Variants in PTPRK observed in about 807,000 individuals in gnomAD.
PTPRK encodes the protein receptor-type tyrosine-protein phosphatase kappa.
PTPRK carries 75 observed loss-of-function variants against 178.0 expected under a neutral mutation model. The ratio of observed to expected loss-of-function variants is 0.42; its 90% CI spans 0.35 to 0.51. The LOEUF (loss-of-function observed/expected upper bound fraction) is 0.51. Ranked by LOEUF, PTPRK falls within the 20% of genes least tolerant of loss-of-function variation. The probability of loss-of-function intolerance (pLI) is 0.02; values close to 1 mark genes in which losing one functional copy is unlikely to be tolerated. For synonymous variants in PTPRK, 637 were observed against 620.6 expected (o/e 1.03, Z -0.39); for missense variants, 1,441 against 1,797.8 (o/e 0.80, Z 3.59).
At chr6:128,036,643 T>C (rs1369033030) in intron 13 of PTPRK, among the ~76,000 whole-genome samples, 1 of 151,768 alleles carries the variant, frequency 6.6e-6, no homozygotes, top group African/African-American at 2.4e-5. Context: ...AAAGAGTTGG[T>C]AAAAAAATAG....
intron 1 of PTPRK, among the ~76,000 whole-genome samples, chr6:128,407,724 T>C (rs902342869): frequency 4.6e-5 from 7 of 151,910 alleles, no homozygotes; most frequent in Admixed American, 2.0e-4. Context: ...TATTCAACAT[T>C]CTTTCAATTT....
intron 7 of PTPRK, among the ~76,000 whole-genome samples, chr6:128,164,239 G>GT (rs1411232710): frequency 6.6e-6 from 1 of 151,458 alleles, no homozygotes; most frequent in East Asian, 1.9e-4. Flanking sequence ...TGAGATAAAG[G>GT]TAACACTGAG....
intron 3 of PTPRK, among the ~76,000 whole-genome samples, chr6:128,305,497 T>C (rs1470429116): frequency 2.0e-5 from 3 of 152,172 alleles, no homozygotes; most frequent in Non-Finnish European, 4.4e-5. Context: ...TATGGTAGCA[T>C]TACTTTTCTC....
intron 3 of PTPRK, among the ~76,000 whole-genome samples, chr6:128,270,895 T>G (rs1390518631): frequency 6.6e-6 from 1 of 152,124 alleles, no homozygotes; most frequent in African/African-American, 2.4e-5. Context: ...TGCTTTGTTT[T>G]TAGCTGCACA....
At chr6:128,128,794 A>T (rs17055343) in intron 7 of PTPRK, among the ~76,000 whole-genome samples, 3,879 of 152,346 alleles carry the variant, frequency 0.025, 76 homozygotes, top group Middle Eastern at 0.095. Flanking sequence ...AGAGGCAGTC[A>T]TTCTTTTCTA....
At chr6:128,164,725 G>T (rs1799152383) in intron 7 of PTPRK, among the ~76,000 whole-genome samples, 1 of 150,978 alleles carries the variant, frequency 6.6e-6, no homozygotes, top group African/African-American at 2.4e-5. Flanking sequence ...AGGCTGGGGG[G>T]GGAGATTAAA....
At chr6:128,262,103 CA>C (rs1405296988) in intron 3 of PTPRK, among the ~76,000 whole-genome samples, 5 of 152,244 alleles carry the variant, frequency 3.3e-5, no homozygotes, top group African/African-American at 1.2e-4. Context: ...CTTGGTATTA[CA>C]GTCAAATATT....
chr6:128,330,896 AAAAC>A (rs1830185989), intron 2 of PTPRK, among the ~76,000 whole-genome samples: 2 of 151,788 alleles, frequency 1.3e-5, no homozygotes, highest in African/African-American at 4.8e-5. Flanking sequence ...AAAACAAAAC[AAAAC>A]AAAAAAACAC....
At chr6:128,389,049 G>A (rs1246790962) in intron 2 of PTPRK, among the ~76,000 whole-genome samples, 2 of 152,086 alleles carry the variant, frequency 1.3e-5, no homozygotes, top group Non-Finnish European at 2.9e-5. Flanking sequence ...GCAAGCCAGC[G>A]TCTTTTTAAT....
chr6:128,034,133 A>C (rs1007377823), intron 13 of PTPRK, among the ~76,000 whole-genome samples: 1 of 152,150 alleles, frequency 6.6e-6, no homozygotes, highest in Non-Finnish European at 1.5e-5. Context: ...TCAAACTTAC[A>C]TTATTATCAT....
At chr6:128,509,403 T>C (rs1306906146) in intron 1 of PTPRK, among the ~76,000 whole-genome samples, 4 of 152,226 alleles carry the variant, frequency 2.6e-5, no homozygotes, top group East Asian at 1.9e-4. Flanking sequence ...TCTTCTTTAT[T>C]ATACCACTTT....
At chr6:127,972,551 A>G (rs1774049152) in intron 29 of PTPRK, among the ~76,000 whole-genome samples, 1 of 152,222 alleles carries the variant, frequency 6.6e-6, no homozygotes, top group Admixed American at 6.5e-5. Flanking sequence ...AAAAGCTGAA[A>G]ACTTAACCAT....
chr6:128,136,055 C>T (rs1794972603), intron 7 of PTPRK, among the ~76,000 whole-genome samples: 1 of 152,054 alleles, frequency 6.6e-6, no homozygotes, highest in South Asian at 2.1e-4. Flanking sequence ...GGGTCCTATT[C>T]CAGTATCTCT....
At chr6:128,315,185 T>C (rs1827832366) in intron 3 of PTPRK, among the ~76,000 whole-genome samples, 1 of 152,182 alleles carries the variant, frequency 6.6e-6, no homozygotes, top group Non-Finnish European at 1.5e-5. Flanking sequence ...TATCTGTTTC[T>C]AATTATTATA....
At chr6:128,247,720 G>A (rs1815743439) in intron 3 of PTPRK, among the ~76,000 whole-genome samples, 1 of 152,168 alleles carries the variant, frequency 6.6e-6, no homozygotes, top group Non-Finnish European at 1.5e-5. Context: ...ATGAGATAAT[G>A]CACATAAAAC....
chr6:128,184,529 T>C lies in PTPRK; in HGVS notation c.1065A>G (p.Pro355=). Residue 355 remains proline (P), a synonymous_variant, in exon 7 of 30, where the codon CCA becomes CCG. Transcript: ENST00000368226. ...GAACTCGGATCTCATATTCGGTATC[T>C]GGATCTAAATGCCATAATTTGTAAG... ...APTYKLWHLD[P]DTEYEIRVLL... The C allele has an allele frequency of 6.2e-7, 1 of 1,613,962 alleles. No homozygotes were observed. The highest frequency in any genetic ancestry group is 8.5e-7 in the Non-Finnish European group (1 of 1,179,886).
intron 7 of PTPRK, among the ~76,000 whole-genome samples, chr6:128,123,095 T>C (rs576360158): frequency 6.6e-6 from 1 of 152,250 alleles, no homozygotes; most frequent in East Asian, 1.9e-4. Flanking sequence ...GAATATCCTT[T>C]TAAGAATCTG....
At chr6:128,392,199 G>A (rs556720520) in intron 2 of PTPRK, among the ~76,000 whole-genome samples, 1 of 152,202 alleles carries the variant, frequency 6.6e-6, no homozygotes, top group South Asian at 2.1e-4. Context: ...ACCTCACTAA[G>A]TTTTATAAGG....
At chr6:128,284,298 T>C (rs1822123549) in intron 3 of PTPRK, among the ~76,000 whole-genome samples, 1 of 152,206 alleles carries the variant, frequency 6.6e-6, no homozygotes. Flanking sequence ...ATCCTGGTCA[T>C]CTTTTCCACA....
Sources: gnomAD v4.1 joint callset for allele counts (sites outside exome capture counted in the v4.1 genomes callset) on GRCh38, gnomAD v4.1.1 for gene constraint, MANE v1.5 for transcripts, NCBI Gene and HGNC (gene_info 2026-07-23, HGNC 2026-07-21) for gene names.